NBPF10: variants seen among roughly 807,000 people sequenced by gnomAD.
The protein encoded by NBPF10 is NBPF member 10.
A neutral mutation model predicts 77.9 loss-of-function variants in NBPF10; 63 were observed. The ratio of observed to expected loss-of-function variants is 0.81; its 90% confidence interval spans 0.66 to 1.00. NBPF10 has a LOEUF of 1.00. Ranked by LOEUF, NBPF10 falls within the 50% of genes least tolerant of loss-of-function variation. NBPF10 has a pLI of 0.00. For missense variants in NBPF10, 522 were observed against 679.8 expected (o/e 0.77, Z 2.58); for synonymous variants, 146 against 264.5 (o/e 0.55, Z 4.35).
intron 7 of NBPF10, among the ~76,000 whole-genome samples, chr1:146,135,884 G>A (rs1175463579): frequency 4.9e-5 from 7 of 144,036 alleles, no homozygotes; most frequent in African/African-American, 1.8e-4. Flanking sequence ...TAGATACAAA[G>A]CCATGTACAG....
At chr1:146,069,588 A>C (rs1559311926) in exon 86 of NBPF10, 2 of 1,492,640 alleles carry the variant, frequency 1.3e-6, no homozygotes, top group South Asian at 2.2e-5. Flanking sequence ...TCCAATACAT[A>C]AAAGGCACTT....
In NBPF10 at chr1:146,142,771, G is replaced by C. The variant is rs201725581; in HGVS notation, c.176-19C>G. On this transcript the variant is annotated intron_variant, in intron 1 of 89. Coordinates refer to ENST00000583866, the Ensembl canonical transcript of NBPF10. Reference sequence around the variant, plus strand: ...TCATACTCTGAAAAAAGACAGACACGCCTGCCTCAGTGGAAGGCTGGACAT... The same window carrying C: ...TCATACTCTGAAAAAAGACAGACACCCCTGCCTCAGTGGAAGGCTGGACAT... 7.6e-7 allele frequency: 1 copy of C among 1,323,352 alleles called. No homozygotes were observed. The highest frequency in any genetic ancestry group is 1.0e-6 in the Non-Finnish European group (1 of 959,294). The allele number at this position is 1,323,352 out of a possible 1,614,324, so 82.0% of individuals were successfully genotyped here. A position where few individuals can be genotyped will look rare whatever the true frequency, so the allele number is the denominator to read the frequency against.
rs782093500 is a variant in NBPF10, at chr1:146,067,143, A to G, written c.11144+37T>C. On this transcript the variant is annotated intron_variant, in intron 89 of 89. Coordinates refer to ENST00000583866, the Ensembl canonical transcript of NBPF10. ...CCTGAATCTGTTGCCTCCAGGTGTTAACACAGAACTAAGGATCCACAATTG... is the reference window on the plus strand; with the variant it reads ...CCTGAATCTGTTGCCTCCAGGTGTTGACACAGAACTAAGGATCCACAATTG... 3.2e-6 allele frequency: 2 copies of G among 627,328 alleles called. 1 individual carries two copies. The highest frequency in any genetic ancestry group is 5.9e-6 in the Non-Finnish European group (2 of 336,176). 38.9% of individuals were successfully genotyped at this position (627,328 alleles called of 1,614,324 possible). A position where few individuals can be genotyped will look rare whatever the true frequency, so the allele number is the denominator to read the frequency against.
At chr1:146,067,513 C>G (rs1316109227) in intron 88 of NBPF10, among the ~76,000 whole-genome samples, 1 of 147,454 alleles carries the variant, frequency 6.8e-6, no homozygotes, top group Non-Finnish European at 1.5e-5. Flanking sequence ...GATCGTTATC[C>G]CAATATCATT....
rs587765381 is a variant in NBPF10, at chr1:146,067,816, C to A, written c.11035+187G>T. Among the ~76,000 whole-genome samples, 5 of 152,038 alleles carry A rather than the reference C, an allele frequency of 3.3e-5. No individual in the cohort carries two copies. In the East Asian group the frequency reaches 9.8e-4, roughly 30 times the overall value. ...GCCTGAGACTAGGAAGAGAGTCTTGCTCACTGAACCATTTCATGTCTAGGC... is the reference window on the plus strand; with the variant it reads ...GCCTGAGACTAGGAAGAGAGTCTTGATCACTGAACCATTTCATGTCTAGGC... On this transcript the variant is annotated intron_variant, in intron 88 of 89. Coordinates refer to ENST00000583866, the Ensembl canonical transcript of NBPF10.
intron 88 of NBPF10, 97 bp from the exon 89 acceptor site, chr1:146,067,385 T>A (rs868957444): frequency 2.7e-6 from 1 of 369,036 alleles, no homozygotes; most frequent in Non-Finnish European, 4.8e-6. Context: ...CTCAGGCTCC[T>A]CAGCATAAGA....
intron 5 of NBPF10, among the ~76,000 whole-genome samples, chr1:146,139,249 A>C (rs1553796275): frequency 6.9e-6 from 1 of 145,352 alleles, no homozygotes. Context: ...ACAGGCGCCC[A>C]CCACCACGCC....
chr1:146,126,430 A>C, intron 13 of NBPF10, 22 bp from the exon 14 acceptor site: 1 of 1,022,196 alleles, frequency 9.8e-7, no homozygotes, highest in Non-Finnish European at 1.5e-6. Context: ...GGAAAAAGTA[A>C]AGAATAAGCC....
chr1:146,139,184 C>A (rs1315518923), intron 5 of NBPF10, among the ~76,000 whole-genome samples: 2 of 142,050 alleles, frequency 1.4e-5, no homozygotes, highest in South Asian at 2.4e-4. Context: ...ACTGCAAGCT[C>A]CGGTTCCTGG....
chr1:146,069,308 G>A (rs1369532539), intron 86 of NBPF10, among the ~76,000 whole-genome samples: 3 of 91,706 alleles, frequency 3.3e-5, no homozygotes, highest in East Asian at 4.8e-4. Flanking sequence ...CATCTTGAGA[G>A]TAGGATTAGG....
intron 14 of NBPF10, 122 bp downstream of exon 14, chr1:146,126,114 G>A: frequency 4.2e-6 from 3 of 719,492 alleles, no homozygotes; most frequent in South Asian, 1.6e-5. Context: ...ACCTACATGT[G>A]CCTATAGGTC....
intron 22 of NBPF10, among the ~76,000 whole-genome samples, chr1:146,119,678 CT>C (rs1553788177): frequency 5.0e-4 from 11 of 22,168 alleles, no homozygotes; most frequent in Non-Finnish European, 8.5e-4. Flanking sequence ...AATCATACTT[CT>C]GTGAATTTTT....
At chr1:146,125,892 T>C (rs1457631555) in intron 14 of NBPF10, among the ~76,000 whole-genome samples, 1 of 151,494 alleles carries the variant, frequency 6.6e-6, no homozygotes, top group South Asian at 2.1e-4. Flanking sequence ...AGCGAGGATT[T>C]TAGACGCTGA....
Position 146,142,460 on chromosome 1 carries a change from A to C in NBPF10, c.278+190T>G, listed in dbSNP as rs201166087. ...TTTGAAAAAGAGAAAACAAGGCTCT[A>C]AGAAACAACTGCAACACAGAACTTA... On this transcript the variant is annotated intron_variant, in intron 2 of 89. Coordinates refer to ENST00000583866, the Ensembl canonical transcript of NBPF10. 1.7e-4 allele frequency among the ~76,000 whole-genome samples: 22 copies of C among 133,114 alleles called. 2 individuals carry two copies. Among genetic ancestry groups the C allele is most frequent in the South Asian group, 8.0e-4 (3 of 3,746 alleles). The allele number at this position is 133,114 out of a possible 152,430, so 87.3% of individuals were successfully genotyped here.
intron 17 of NBPF10, among the ~76,000 whole-genome samples, chr1:146,123,482 AC>A (rs1178253468): frequency 2.8e-3 from 198 of 71,360 alleles, no homozygotes; most frequent in African/African-American, 0.012. Context: ...ATAGACACAC[AC>A]ACACACACAC....
intron 88 of NBPF10, 118 bp downstream of exon 88, chr1:146,067,885 T>C (rs1553778368): frequency 1.1e-5 from 8 of 698,080 alleles, no homozygotes; most frequent in African/African-American, 1.8e-5. Flanking sequence ...TATGCGCCCA[T>C]AGGTCCTGCC....
At chr1:146,140,409 T>A (rs1338771911) in intron 4 of NBPF10, 75 bp downstream of exon 4, 1 of 742,776 alleles carries the variant, frequency 1.3e-6, no homozygotes, top group African/African-American at 1.7e-5. Flanking sequence ...CCATCATAGA[T>A]GCCAGAGAGG....
intron 88 of NBPF10, among the ~76,000 whole-genome samples, 170 bp downstream of exon 88, chr1:146,067,833 T>A (rs1326477380): frequency 1.3e-5 from 2 of 151,914 alleles, no homozygotes; most frequent in African/African-American, 4.8e-5. Context: ...AACCATTTCA[T>A]GTCTAGGCTT....
At chr1:146,125,783 T>G (rs1229003555) in intron 14 of NBPF10, among the ~76,000 whole-genome samples, 1 of 145,912 alleles carries the variant, frequency 6.9e-6, no homozygotes. Flanking sequence ...TTATGCCATA[T>G]TTTTCCAATC....
Sources: gnomAD v4.1 joint callset for allele counts (sites outside exome capture counted in the v4.1 genomes callset) on GRCh38, gnomAD v4.1.1 for gene constraint, MANE v1.5 for transcripts, NCBI Gene and HGNC (gene_info 2026-07-23, HGNC 2026-07-21) for gene names.